Variants in MAN2A1 observed in about 807,000 individuals in gnomAD.
The protein encoded by MAN2A1 is mannosidase alpha class 2A member 1, also known as alpha-mannosidase 2.
MAN2A1 carries 76 observed loss-of-function variants against 142.6 expected under a neutral mutation model. The observed-to-expected ratio is 0.53, with a 90% confidence interval of 0.44 to 0.65. MAN2A1 has a LOEUF of 0.65. Ranked by LOEUF, MAN2A1 falls within the 30% of genes least tolerant of loss-of-function variation. MAN2A1 has a pLI of 0.00. For missense variants in MAN2A1, 1,311 were observed against 1,365.1 expected (o/e 0.96, Z 0.62); for synonymous variants, 559 against 473.2 (o/e 1.18, Z -2.35).
chr5:109,786,531 A>C (rs1753600057), intron 10 of MAN2A1, among the ~76,000 whole-genome samples: 1 of 152,068 alleles, frequency 6.6e-6, no homozygotes, highest in Non-Finnish European at 1.5e-5. Context: ...TTCCCCGTGT[A>C]GAATTGCGTG....
chr5:109,798,628 T>C (rs1753927439), intron 12 of MAN2A1, among the ~76,000 whole-genome samples: 1 of 152,202 alleles, frequency 6.6e-6, no homozygotes, highest in Non-Finnish European at 1.5e-5. Flanking sequence ...TTTCAACTCG[T>C]ATCCAAACAC....
intron 3 of MAN2A1, among the ~76,000 whole-genome samples, chr5:109,723,345 A>C (rs932704509): frequency 6.6e-6 from 1 of 152,224 alleles, no homozygotes; most frequent in African/African-American, 2.4e-5. Context: ...GTTCAAAAGC[A>C]TTTAGAGGCA....
At chr5:109,692,595 G>A (rs1016002132) in intron 1 of MAN2A1, among the ~76,000 whole-genome samples, 9 of 152,314 alleles carry the variant, frequency 5.9e-5, no homozygotes, top group African/African-American at 2.2e-4. Flanking sequence ...ACAGCTGCAA[G>A]CTGAGATTTG....
At chr5:109,715,980 A>G in intron 2 of MAN2A1, 140 bp from the exon 3 acceptor site, 1 of 509,940 alleles carries the variant, frequency 2.0e-6, no homozygotes, top group Non-Finnish European at 3.3e-6. Context: ...TTCTACTCTA[A>G]ACTCCTCAAT....
chr5:109,751,917 C>G (rs898508213), intron 4 of MAN2A1, among the ~76,000 whole-genome samples: 15 of 151,970 alleles, frequency 9.9e-5, no homozygotes, highest in African/African-American at 3.4e-4. Flanking sequence ...TGAAACTTAA[C>G]TTTTTAATTG....
intron 20 of MAN2A1, among the ~76,000 whole-genome samples, chr5:109,857,046 G>C (rs1461370527): frequency 6.6e-6 from 1 of 152,180 alleles, no homozygotes; most frequent in East Asian, 1.9e-4. Context: ...TGTAGAGAGG[G>C]CCTCACAGAG....
chr5:109,747,891 A>G (rs1168763891), intron 4 of MAN2A1, among the ~76,000 whole-genome samples: 1 of 152,180 alleles, frequency 6.6e-6, no homozygotes, highest in Admixed American at 6.5e-5. Context: ...AGCAATGCAC[A>G]GATTTCTAGT....
chr5:109,865,268 C>A, intron 21 of MAN2A1, 122 bp downstream of exon 21: 1 of 718,068 alleles, frequency 1.4e-6, no homozygotes, highest in Non-Finnish European at 2.4e-6. Context: ...CATCAGTCTG[C>A]AAATTAGTTT....
intron 3 of MAN2A1, 135 bp downstream of exon 3, chr5:109,716,399 C>T: frequency 1.6e-6 from 1 of 627,442 alleles, no homozygotes; most frequent in Admixed American, 3.1e-5. Flanking sequence ...TAATATATTC[C>T]TTTTATGTGT....
chr5:109,729,460 C>G lies in MAN2A1; in HGVS notation c.654C>G (p.Tyr218Ter). ...AGTTTATTTGGTCTGAGATCTCTTACCTTTCAAAGTGGTGGGATATTATAG... is the reference window on the plus strand; with the variant it reads ...AGTTTATTTGGTCTGAGATCTCTTAGCTTTCAAAGTGGTGGGATATTATAG... ...RRKFIWSEISYLSKWWDIIDI... is the reference protein window; with the variant it reads ...RRKFIWSEIS Residue 218 changes from tyrosine to a stop codon, truncating the protein, a stop_gained, in exon 4 of 22, where the codon TAC becomes TAG. Coordinates refer to ENST00000261483, the MANE Select transcript of MAN2A1 (RefSeq NM_002372.4). LOFTEE classifies it high-confidence loss of function. 1 of 1,597,336 alleles carries G rather than the reference C, an allele frequency of 6.3e-7. No individual in the cohort carries two copies. Among genetic ancestry groups the G allele is most frequent in the Non-Finnish European group, 8.5e-7 (1 of 1,171,912 alleles).
At chr5:109,741,072 A>G (rs572243790) in intron 4 of MAN2A1, among the ~76,000 whole-genome samples, 1 of 152,292 alleles carries the variant, frequency 6.6e-6, no homozygotes, top group South Asian at 2.1e-4. Context: ...CTAGTGCTCA[A>G]TCTTTGTCTC....
chr5:109,846,306 T>C (rs1221023919), intron 18 of MAN2A1, among the ~76,000 whole-genome samples: 3 of 152,224 alleles, frequency 2.0e-5, no homozygotes, highest in Non-Finnish European at 4.4e-5. Context: ...CCATCATCAT[T>C]ATGATTTAAC....
intron 12 of MAN2A1, among the ~76,000 whole-genome samples, chr5:109,813,915 A>G (rs926808654): frequency 2.6e-5 from 4 of 152,184 alleles, no homozygotes; most frequent in African/African-American, 4.8e-5. Context: ...TCTCCAGCCA[A>G]AGTAGATTAT....
intron 2 of MAN2A1, among the ~76,000 whole-genome samples, chr5:109,714,569 CAG>C (rs1231332186): frequency 6.6e-6 from 1 of 152,190 alleles, no homozygotes; most frequent in African/African-American, 2.4e-5. Flanking sequence ...TTCTTAAACT[CAG>C]AGTGTTTCAC....
chr5:109,809,706 C>T (rs542072984), intron 12 of MAN2A1, among the ~76,000 whole-genome samples: 1 of 152,216 alleles, frequency 6.6e-6, no homozygotes, highest in Non-Finnish European at 1.5e-5. Context: ...TAACATGACA[C>T]ACCAGGTGTA....
chr5:109,758,050 G>A lies in MAN2A1; in HGVS notation c.835+2594G>A, dbSNP rs533316581. 6.6e-5 allele frequency among the ~76,000 whole-genome samples: 10 copies of A among 152,220 alleles called. No homozygotes were observed. The East Asian group carries it at 1.5e-3, about 24-fold the overall frequency. On this transcript the variant is annotated intron_variant, in intron 5 of 21. Coordinates refer to ENST00000261483, the MANE Select transcript of MAN2A1 (RefSeq NM_002372.4). ...GACTCTACCTTTCTTCCTAGGAGTA[G>A]AATTGCTGAGTTATATGGTAAAAAT... is the stretch of plus-strand genomic sequence containing the variant.
At chr5:109,834,932 T>A (rs1164319576) in intron 16 of MAN2A1, among the ~76,000 whole-genome samples, 1 of 152,196 alleles carries the variant, frequency 6.6e-6, no homozygotes, top group Non-Finnish European at 1.5e-5. Context: ...GTAGTGGGAA[T>A]TATTACCATT....
At chr5:109,833,356 C>T (rs1031228118) in intron 16 of MAN2A1, among the ~76,000 whole-genome samples, 2 of 152,062 alleles carry the variant, frequency 1.3e-5, no homozygotes, top group Non-Finnish European at 2.9e-5. Context: ...CGAGATCACG[C>T]CACTGCACTC....
At chr5:109,826,683 A>G (rs570871773) in intron 16 of MAN2A1, among the ~76,000 whole-genome samples, 19 of 152,318 alleles carry the variant, frequency 1.2e-4, no homozygotes, top group African/African-American at 4.1e-4. Context: ...TTGTGGTTTT[A>G]ATGAAATCAC....
Sources: gnomAD v4.1 joint callset for allele counts (sites outside exome capture counted in the v4.1 genomes callset) on GRCh38, gnomAD v4.1.1 for gene constraint, MANE v1.5 for transcripts, NCBI Gene and HGNC (gene_info 2026-07-23, HGNC 2026-07-21) for gene names.